NFATC4: variants seen among roughly 807,000 people sequenced by gnomAD.
NFATC4 encodes the protein nuclear factor of activated T cells 4.
Under a neutral mutation model 73.4 loss-of-function variants are expected in NFATC4, and 25 were observed. The observed-to-expected ratio is 0.34, with a 90% confidence interval of 0.25 to 0.48. The LOEUF (loss-of-function observed/expected upper bound fraction) is 0.48. Ranked by LOEUF, NFATC4 falls within the 20% of genes least tolerant of loss-of-function variation. The pLI is 0.99. For synonymous variants in NFATC4, 523 were observed against 510.3 expected, an observed-to-expected ratio of 1.02 and a Z score of -0.34; for missense variants, 1,130 against 1,203.7, an observed-to-expected ratio of 0.94 and a Z score of 0.91.
chr14:24,374,581 A>T, intron 6 of NFATC4, 115 bp downstream of exon 6: 1 of 1,019,014 alleles, frequency 9.8e-7, no homozygotes, highest in Non-Finnish European at 1.4e-6. Context: ...TTTATTTGTA[A>T]AATGGGACAG....
chr14:24,370,222 G>A lies in NFATC4; in HGVS notation c.824G>A (p.Gly275Glu). 1 of 1,610,892 alleles carries A rather than the reference G, an allele frequency of 6.2e-7. No homozygotes were observed. The highest frequency in any genetic ancestry group is 1.7e-5 in the Admixed American group (1 of 59,988). The change falls in exon 2 of 10, where the codon GGA becomes GAA. Residue 275 changes from glycine (G) to glutamate (E), a missense_variant. Around this residue, in one of 3 missense-constraint regions of NFATC4, gnomAD observed 585 missense variants for 574.3 expected, o/e 1.02. Transcript: ENST00000250373. ...GGCAAGCGGCGCTATTCCAGCTCGG[G>A]AACCCCATCTTCAGCCTCCCCAGCT... ...PCGKRRYSSS[G>E]TPSSASPALS...
rs1399206112 is a variant in NFATC4 at position 24,377,188 on chromosome 14, A to G, written c.2641+310A>G. ...TTCCATCCAGCGCATTCAATTTGCA[A>G]GTTTAGGCGTTGAGTTCCAGAGAGG... On this transcript the variant is annotated intron_variant, in intron 9 of 9. Transcript: ENST00000250373. The surrounding 1 kb of genome is among the most constrained non-coding windows in gnomAD (Gnocchi z 4.2). The G allele has an allele frequency of 7.9e-7, 1 of 1,273,860 alleles. No individual in the cohort carries two copies. The highest frequency in any genetic ancestry group is 1.5e-5 in the African/African-American group (1 of 66,000). 78.9% of individuals were successfully genotyped at this position (1,273,860 alleles called of 1,614,324 possible). A position where few individuals can be genotyped will look rare whatever the true frequency, so the allele number is the denominator to read the frequency against.
Position 24,369,960 on chromosome 14 carries a change from G to T in NFATC4, c.562G>T (p.Glu188Ter). 1 of 1,612,968 alleles carries T rather than the reference G, an allele frequency of 6.2e-7. No individual in the cohort carries two copies. Among genetic ancestry groups the T allele is most frequent in the Admixed American group, 1.7e-5 (1 of 60,030 alleles). ...SWSFFSDASD[E>*]AALYAACDEV... ...GAGCTTCTTCTCCGATGCCTCTGAC[G>T]AGGCAGCCCTGTATGCAGCCTGCGA... The change falls in exon 2 of 10, where the codon GAG (glutamate) becomes TAG (stop). Residue 188 changes from glutamate to a stop codon, truncating the protein, a stop_gained. Coordinates refer to ENST00000250373, the MANE Select transcript of NFATC4 (RefSeq NM_004554.5). LOFTEE classifies it high-confidence loss of function.
At chr14:24,367,103 T>A, upstream of NFATC4, 1 of 1,613,656 alleles carries the variant, frequency 6.2e-7, no homozygotes, top group Non-Finnish European at 8.5e-7. Context: ...CGCCAGTATC[T>A]CCCACCGAGT....
chr14:24,377,721 A>G lies in NFATC4; in HGVS notation c.*16A>G, dbSNP rs1342006211. ...TCCTGCCTGAACCACGTGAACTGTC[A>G]TCACCTGGCAACCCCAGCCCCAGCC... On this transcript the variant is annotated 3_prime_UTR_variant, in exon 10 of 10. Transcript: ENST00000250373. The surrounding 1 kb of genome is among the most constrained non-coding windows in gnomAD (Gnocchi z 4.2). 6.2e-7 allele frequency: 1 copy of G among 1,614,024 alleles called. No individual in the cohort carries two copies. Among genetic ancestry groups the G allele is most frequent in the Admixed American group, 1.7e-5 (1 of 60,008 alleles).
Position 24,376,682 on chromosome 14 carries a change from T to A in NFATC4, c.2445T>A (p.Pro815=). The A allele has an allele frequency of 6.2e-7, 1 of 1,613,614 alleles. No individual in the cohort carries two copies. The highest frequency in any genetic ancestry group is 8.5e-7 in the Non-Finnish European group (1 of 1,179,886). Residue 815 remains proline, a synonymous_variant, in exon 9 of 10, where the codon CCT becomes CCA. Coordinates refer to ENST00000250373, the MANE Select transcript of NFATC4 (RefSeq NM_004554.5). This position sits in a 1 kb window ranked among gnomAD's most constrained non-coding sequence, Gnocchi z 5.0. ...FSPPAPFRPP[P]LPASPPLEGP... is the part of the protein sequence containing the mutation. ...CGCCAGCCCCCTTTCGGCCGCCTCC[T>A]CTTCCTGCATCCCCACCGCTTGAAG...
At position 24,368,414 on chromosome 14, in the gene NFATC4, C is replaced by T. The variant is rs776771220; in HGVS notation, c.74C>T (p.Pro25Leu). ...TTCGGGGAGGAAAAGGAGGCCCCCCCGCTGGGCGCGGGGGGATTGGGGGAA... is the reference window on the plus strand; with the variant it reads ...TTCGGGGAGGAAAAGGAGGCCCCCCTGCTGGGCGCGGGGGGATTGGGGGAA... ...LVFGEEKEAP[P>L]LGAGGLGEEL... The change falls in exon 1 of 10, where the codon CCG (proline) becomes CTG (leucine). Residue 25 changes from proline (P) to leucine (L), a missense_variant. This residue lies in a region of NFATC4 where 585 missense variants were observed against 574.3 expected (regional missense o/e 1.02). Transcript: ENST00000250373. 346 of 1,342,134 alleles carry T rather than the reference C, an allele frequency of 2.6e-4. No homozygotes were observed. Among genetic ancestry groups the T allele is most frequent in the Non-Finnish European group, 3.1e-4 (329 of 1,044,450 alleles). 83.1% of individuals were successfully genotyped at this position (1,342,134 alleles called of 1,614,324 possible). A position where few individuals can be genotyped will look rare whatever the true frequency, so the allele number is the denominator to read the frequency against.
Position 24,373,601 on chromosome 14 carries a change from G to A in NFATC4, c.1560-94G>A, listed in dbSNP as rs2042531672. On this transcript the variant is annotated intron_variant, in intron 4 of 9. Transcript: ENST00000250373. This position sits in a 1 kb window ranked among gnomAD's most constrained non-coding sequence, Gnocchi z 4.7. ...TAGGCACTCATCGAAAGTCATTCAA[G>A]GCTTTGGATGGAGGGCGGGAACTTC... 1.3e-6 allele frequency: 2 copies of A among 1,524,100 alleles called. No homozygotes were observed. Among genetic ancestry groups the A allele is most frequent in the Non-Finnish European group, 1.8e-6 (2 of 1,129,988 alleles). The allele number at this position is 1,524,100 out of a possible 1,614,324, so 94.4% of individuals were successfully genotyped here. A position where few individuals can be genotyped will look rare whatever the true frequency, so the allele number is the denominator to read the frequency against.
rs1417593660 is a variant in NFATC4, at chr14:24,376,321, A to C, written c.2084A>C (p.Asp695Ala). The change falls in exon 9 of 10, where the codon GAC becomes GCC. Residue 695 changes from aspartate (D) to alanine (A), a missense_variant. By Grantham distance (126) the Asp-to-Ala change is moderately radical. This residue lies in a region of NFATC4 where 390 missense variants were observed against 408.1 expected (regional missense o/e 0.96). Transcript: ENST00000250373. This position sits in a 1 kb window ranked among gnomAD's most constrained non-coding sequence, Gnocchi z 5.0. ...ATCTGCAAAGAGGAGCCCCTACCGG[A>C]CTCATCTCTGCGGGGTTTCCCTTCA... ...PVICKEEPLP[D>A]SSLRGFPSAS... 1 of 1,590,974 alleles carries C rather than the reference A, an allele frequency of 6.3e-7. No individual in the cohort carries two copies. The highest frequency in any genetic ancestry group is 1.1e-5 in the South Asian group (1 of 87,218).
chr14:24,373,965 C>T lies in NFATC4; in HGVS notation c.1732+98C>T. 6.7e-7 allele frequency: 1 copy of T among 1,503,594 alleles called. No individual in the cohort carries two copies. Among genetic ancestry groups the T allele is most frequent in the South Asian group, 1.2e-5 (1 of 84,588 alleles). The allele number at this position is 1,503,594 out of a possible 1,614,324, so 93.1% of individuals were successfully genotyped here. A position where few individuals can be genotyped will look rare whatever the true frequency, so the allele number is the denominator to read the frequency against. ...CCATTCCCTCTGCAGCGTCCTGTGC[C>T]CTGTCTGTCCTGGGTAGCTCTATAG... On this transcript the variant is annotated intron_variant, in intron 5 of 9. Transcript: ENST00000250373. The surrounding 1 kb of genome is among the most constrained non-coding windows in gnomAD (Gnocchi z 4.7).
rs574642161 is a variant in NFATC4 at position 24,376,324 on chromosome 14, C to T, written c.2087C>T (p.Ser696Leu). Reference sequence around the variant, plus strand: ...TGCAAAGAGGAGCCCCTACCGGACTCATCTCTGCGGGGTTTCCCTTCAGCA... The same window carrying T: ...TGCAAAGAGGAGCCCCTACCGGACTTATCTCTGCGGGGTTTCCCTTCAGCA... ...VICKEEPLPD[S>L]SLRGFPSASA... The change falls in exon 9 of 10, where the codon TCA (serine) becomes TTA (leucine). Residue 696 changes from serine to leucine, a missense_variant. Ser to Leu is a moderately radical substitution (Grantham distance 145). Coordinates refer to ENST00000250373, the MANE Select transcript of NFATC4 (RefSeq NM_004554.5). The surrounding 1 kb of genome is among the most constrained non-coding windows in gnomAD (Gnocchi z 5.0). 6.3e-7 allele frequency: 1 copy of T among 1,593,418 alleles called. No homozygotes were observed. Among genetic ancestry groups the T allele is most frequent in the African/African-American group, 1.3e-5 (1 of 74,486 alleles).
intron 3 of NFATC4, 24 bp downstream of exon 3, chr14:24,372,627 A>C (rs899452980): frequency 6.2e-7 from 1 of 1,613,404 alleles, no homozygotes; most frequent in Non-Finnish European, 8.5e-7. Context: ...AGCAGGCCTG[A>C]TATCCTCTCT....
Position 24,369,952 on chromosome 14 carries a change from C to G in NFATC4, c.554C>G (p.Ala185Gly), listed in dbSNP as rs2042424911. ...TCCTCGTGGAGCTTCTTCTCCGATG[C>G]CTCTGACGAGGCAGCCCTGTATGCA... Reference protein sequence around the residue: ...SLSSWSFFSDASDEAALYAAC... With the variant: ...SLSSWSFFSDGSDEAALYAAC... Residue 185 changes from alanine to glycine, a missense_variant, in exon 2 of 10, where the codon GCC (alanine) becomes GGC (glycine). Ala to Gly is a moderately conservative substitution (Grantham distance 60, BLOSUM62 0). Transcript: ENST00000250373. 1 of 1,612,880 alleles carries G rather than the reference C, an allele frequency of 6.2e-7. No individual in the cohort carries two copies. Among genetic ancestry groups the G allele is most frequent in the Non-Finnish European group, 8.5e-7 (1 of 1,179,996 alleles).
chr14:24,370,158 G>A lies in NFATC4; in HGVS notation c.760G>A (p.Gly254Arg). 1 of 1,603,984 alleles carries A rather than the reference G, an allele frequency of 6.2e-7. No homozygotes were observed. Among genetic ancestry groups the A allele is most frequent in the African/African-American group, 1.3e-5 (1 of 75,036 alleles). Residue 254 changes from glycine (G) to arginine (R), a missense_variant, in exon 2 of 10, where the codon GGG (glycine) becomes AGG (arginine). This residue lies in a region of NFATC4 where 585 missense variants were observed against 574.3 expected (regional missense o/e 1.02). Transcript: ENST00000250373. The stretch of plus-strand genomic sequence containing the variant: ...TAGCTGGCTACTCCTCAGTGCTCCT[G>A]GGCCCACCCCAGCCTCCCCGCGGCC... The part of the protein sequence containing the change: ...EDSWLLLSAP[G>R]PTPASPRPAS...
rs960618622 is a variant in NFATC4, at chr14:24,374,581, A to C, written c.1873+115A>C. On this transcript the variant is annotated intron_variant, in intron 6 of 9. Coordinates refer to ENST00000250373, the MANE Select transcript of NFATC4 (RefSeq NM_004554.5). ...TGGAGCCTCAGTTTTTTTATTTGTA[A>C]AATGGGACAGACAGACTACCCTTTC... The C allele has an allele frequency of 7.9e-6, 8 of 1,018,896 alleles. No individual in the cohort carries two copies. The African/African-American group carries it at 1.1e-4, about 14-fold the overall frequency. The allele number at this position is 1,018,896 out of a possible 1,614,324, so 63.1% of individuals were successfully genotyped here. A position where few individuals can be genotyped will look rare whatever the true frequency, so the allele number is the denominator to read the frequency against.
At position 24,377,729 on chromosome 14, in the gene NFATC4, G is replaced by GCAACCC. The variant is rs1406149994; in HGVS notation, c.*27_*32dup. Reference sequence around the variant, plus strand: ...GAACCACGTGAACTGTCATCACCTGGCAACCCCAGCCCCAGCCTCAGCCCT... The same window carrying GCAACCC: ...GAACCACGTGAACTGTCATCACCTGGCAACCCCAACCCCAGCCCCAGCCTCAGCCCT... On this transcript the variant is annotated 3_prime_UTR_variant, in exon 10 of 10. Coordinates refer to ENST00000250373, the MANE Select transcript of NFATC4 (RefSeq NM_004554.5). This position sits in a 1 kb window ranked among gnomAD's most constrained non-coding sequence, Gnocchi z 4.2. 3 of 1,614,126 alleles carry GCAACCC rather than the reference G, an allele frequency of 1.9e-6. No individual in the cohort carries two copies. The Admixed American group carries it at 5.0e-5, about 27-fold the overall frequency.
chr14:24,377,830 T>C lies in NFATC4; in HGVS notation c.*125T>C. The C allele has an allele frequency of 1.3e-6, 2 of 1,539,940 alleles. No individual in the cohort carries two copies. Among genetic ancestry groups the C allele is most frequent in the Non-Finnish European group, 1.8e-6 (2 of 1,142,018 alleles). ...CCCTGGCTCCTCTTTCCCCAGCTTC[T>C]GTCTGTCTCACTGTCTTCCCTCCCC... On this transcript the variant is annotated 3_prime_UTR_variant, in exon 10 of 10. Coordinates refer to ENST00000250373, the MANE Select transcript of NFATC4 (RefSeq NM_004554.5). This position sits in a 1 kb window ranked among gnomAD's most constrained non-coding sequence, Gnocchi z 4.2.
In NFATC4 at chr14:24,373,265, A is replaced by G; in HGVS notation, c.1454A>G (p.His485Arg). The change falls in exon 4 of 10, where the codon CAC (histidine) becomes CGC (arginine). Residue 485 changes from histidine to arginine, a missense_variant. By Grantham distance (29) the His-to-Arg change is conservative. Transcript: ENST00000250373. The surrounding 1 kb of genome is among the most constrained non-coding windows in gnomAD (Gnocchi z 4.7). ...CGGCCTCATGCCTTCTATCAGGTGCACCGTATCACAGGCAAGATGGTGGCC... is the reference window on the plus strand; with the variant it reads ...CGGCCTCATGCCTTCTATCAGGTGCGCCGTATCACAGGCAAGATGGTGGCC... ...NLRPHAFYQV[H>R]RITGKMVATA... 6.2e-7 allele frequency: 1 copy of G among 1,614,214 alleles called. No homozygotes were observed. The highest frequency in any genetic ancestry group is 8.5e-7 in the Non-Finnish European group (1 of 1,180,050).
At chr14:24,374,965 T>G (rs191103821) in intron 6 of NFATC4, among the ~76,000 whole-genome samples, 2 of 150,770 alleles carry the variant, frequency 1.3e-5, no homozygotes, top group East Asian at 3.9e-4. Flanking sequence ...CCTATATTCT[T>G]TTTTTTTTGG....
Sources: allele counts gnomAD v4.1 joint callset (sites outside exome capture counted in the v4.1 genomes callset), GRCh38; gene constraint gnomAD v4.1.1; regional missense constraint gnomAD v4.1.1; non-coding constraint Gnocchi (gnomAD v3.1); transcripts MANE v1.5; gene names NCBI Gene and HGNC (gene_info 2026-07-23, HGNC 2026-07-21).